The following THAP3 variants were observed in gnomAD, a reference collection of about 807,000 sequenced individuals.
THAP3 encodes THAP domain containing 3.
A neutral mutation model predicts 17.7 loss-of-function variants in THAP3; 12 were observed. That is an observed-to-expected ratio of 0.68 (90% CI 0.43 to 1.10). The LOEUF (loss-of-function observed/expected upper bound fraction) is 1.10. Ranked by LOEUF, THAP3 falls within the 50% of genes least tolerant of loss-of-function variation. THAP3 has a pLI of 0.00. For synonymous variants in THAP3, 133 were observed against 126.9 expected (o/e 1.05, Z -0.32); for missense variants, 289 against 318.0 (o/e 0.91, Z 0.69).
intron 5 of THAP3, 36 bp downstream of exon 5, chr1:6,632,531 A>G (rs1174220876): frequency 1.9e-5 from 31 of 1,612,856 alleles, no homozygotes; most frequent in Non-Finnish European, 2.4e-5. Flanking sequence ...GTGGTTGGAC[A>G]CAAGATGACT....
At chr1:6,626,409 C>T (rs1003641621) in intron 2 of THAP3, among the ~76,000 whole-genome samples, 1 of 152,110 alleles carries the variant, frequency 6.6e-6, no homozygotes, top group Non-Finnish European at 1.5e-5. Context: ...CCTATCCTGC[C>T]CGCTATCAGA....
chr1:6,634,967 T>C, downstream of THAP3: 1 of 933,308 alleles, frequency 1.1e-6, no homozygotes, highest in Non-Finnish European at 1.4e-6. Context: ...CAGGGCGTTT[T>C]CCCACCGGGA....
At position 6,628,484 on chromosome 1, in the gene THAP3, T is replaced by A. The variant is rs543746315; in HGVS notation, c.75-15T>A. 5 of 1,600,100 alleles carry A rather than the reference T, an allele frequency of 3.1e-6. No homozygotes were observed. The East Asian group carries it at 8.9e-5, about 29-fold the overall frequency. On this transcript the variant is annotated splice_polypyrimidine_tract_variant and intron_variant, in intron 2 of 5. Coordinates refer to ENST00000054650, the MANE Select transcript of THAP3 (RefSeq NM_001195753.2). Reference sequence around the variant, plus strand: ...CAGCCTTGCTGGGCCTCACACCCCGTGCCTCTGCCCTTAGGTTTCCGTTCA... The same window carrying A: ...CAGCCTTGCTGGGCCTCACACCCCGAGCCTCTGCCCTTAGGTTTCCGTTCA...
At chr1:6,625,607 C>T (rs1334580969) in intron 2 of THAP3, among the ~76,000 whole-genome samples, 1 of 69,342 alleles carries the variant, frequency 1.4e-5, no homozygotes, top group Admixed American at 1.2e-4. Flanking sequence ...CAGCCCCCGC[C>T]GCGCGCGGTC....
intron 3 of THAP3, among the ~76,000 whole-genome samples, chr1:6,629,956 G>A (rs1281173702): frequency 6.6e-6 from 1 of 152,222 alleles, no homozygotes; most frequent in Non-Finnish European, 1.5e-5. Flanking sequence ...GTGGCACCTC[G>A]AGTGGTGAGC....
Position 6,627,970 on chromosome 1 carries a change from G to T in THAP3, c.75-529G>T, listed in dbSNP as rs41278026. On this transcript the variant is annotated intron_variant, in intron 2 of 5. Transcript: ENST00000054650. ...CTGTCTCAGCTGGACCTGCGTGAGT[G>T]GCCGTTCCTGCTGTCCCTTCTGAAG... 470 of 155,904 alleles carry T rather than the reference G, an allele frequency of 3.0e-3. 3 individuals are homozygous for T. The highest frequency in any genetic ancestry group is 4.9e-3 in the Non-Finnish European group (342 of 70,208). 9.7% of individuals were successfully genotyped at this position (155,904 alleles called of 1,614,324 possible). A position where few individuals can be genotyped will look rare whatever the true frequency, so the allele number is the denominator to read the frequency against.
chr1:6,632,046 C>CAAA (rs35349874), intron 4 of THAP3, among the ~76,000 whole-genome samples: 8 of 111,358 alleles, frequency 7.2e-5, no homozygotes, highest in Admixed American at 9.8e-5. Context: ...GATTCCGTCT[C>CAAA]AAAAAAAAAA....
At chr1:6,634,814 T>G (rs1307535166), downstream of THAP3, 2 of 1,270,548 alleles carry the variant, frequency 1.6e-6, no homozygotes, top group Admixed American at 4.8e-5. Flanking sequence ...GGGCCTGGGG[T>G]CCACGCCTTT....
intron 2 of THAP3, among the ~76,000 whole-genome samples, chr1:6,626,709 G>C (rs2148715048): frequency 6.6e-6 from 1 of 152,322 alleles, no homozygotes; most frequent in South Asian, 2.1e-4. Context: ...ACCCGGGCGT[G>C]GTAGCGCGCA....
At position 6,632,737 on chromosome 1, in the gene THAP3, A is replaced by C. The variant is rs767875479; in HGVS notation, c.439-59A>C. 5.0e-6 allele frequency: 8 copies of C among 1,600,500 alleles called. No individual in the cohort carries two copies. The African/African-American group carries it at 1.1e-4, about 21-fold the overall frequency. ...TGTGTGCGTGTCTGGTGGCCTGCTC[A>C]CCATGGCCCGCCTTCCTGCTGGTGA... On this transcript the variant is annotated intron_variant, in intron 5 of 5. Transcript: ENST00000054650.
Position 6,633,183 on chromosome 1 carries a change from G to A in THAP3, c.*106G>A. 6.8e-7 allele frequency: 1 copy of A among 1,472,690 alleles called. No homozygotes were observed. Among genetic ancestry groups the A allele is most frequent in the Non-Finnish European group, 9.0e-7 (1 of 1,115,390 alleles). 91.2% of individuals were successfully genotyped at this position (1,472,690 alleles called of 1,614,324 possible). ...TCTGCTGTGGACACTGAGAAAGTTGGCCATGAGGCCTGCTTGGCCGGGGAT... is the reference window on the plus strand; with the variant it reads ...TCTGCTGTGGACACTGAGAAAGTTGACCATGAGGCCTGCTTGGCCGGGGAT... On this transcript the variant is annotated 3_prime_UTR_variant, in exon 6 of 6. Coordinates refer to ENST00000054650, the MANE Select transcript of THAP3 (RefSeq NM_001195753.2).
chr1:6,634,061 T>A (rs764050965), downstream of THAP3: 4 of 1,613,794 alleles, frequency 2.5e-6, no homozygotes, highest in Non-Finnish European at 3.4e-6. Context: ...CAGCTTCACG[T>A]GAAGCCTTGT....
downstream of THAP3, chr1:6,634,045 G>A (rs1454747659): frequency 1.2e-6 from 2 of 1,613,792 alleles, no homozygotes; most frequent in Non-Finnish European, 1.7e-6. Flanking sequence ...GTAGAAAATG[G>A]AACCCCAGCT....
chr1:6,633,402 TG>T lies in THAP3; in HGVS notation c.*328del. The T allele has an allele frequency of 8.3e-7, 1 of 1,211,520 alleles. No individual in the cohort carries two copies. The highest frequency in any genetic ancestry group is 1.0e-6 in the Non-Finnish European group (1 of 963,562). The allele number at this position is 1,211,520 out of a possible 1,614,324, so 75.0% of individuals were successfully genotyped here. On this transcript the variant is annotated 3_prime_UTR_variant, in exon 6 of 6. Transcript: ENST00000054650. ...GCAAAGATCGTTGGAAGCCCCAGTG[TG>T]GGAGATGCTCCTCAGGGAGGAAGCC...
At position 6,632,991 on chromosome 1, in the gene THAP3, G is replaced by A. The variant is rs923136991; in HGVS notation, c.634G>A (p.Val212Met). 3.0e-5 allele frequency: 49 copies of A among 1,612,770 alleles called. No homozygotes were observed. The highest frequency in any genetic ancestry group is 5.0e-5 in the Admixed American group (3 of 59,988). Residue 212 changes from valine to methionine, a missense_variant, in exon 6 of 6, where the codon GTG becomes ATG. Physicochemically the swap from Val to Met is conservative, Grantham distance 21. Transcript: ENST00000054650. Reference protein sequence around the residue: ...LRKRLQAQRLVMRRMSSRLRA... With the variant: ...LRKRLQAQRLMMRRMSSRLRA... The stretch of plus-strand genomic sequence containing the variant: ...GAAGCGCTTGCAGGCCCAGAGGCTG[G>A]TGATGCGAAGGATGTCCAGCCGCCT...
intron 2 of THAP3, among the ~76,000 whole-genome samples, chr1:6,627,605 T>G (rs1641500073): frequency 6.6e-6 from 1 of 152,172 alleles, no homozygotes; most frequent in Non-Finnish European, 1.5e-5. Flanking sequence ...GTTGAGGCAG[T>G]CTGTCTGCCT....
chr1:6,634,023 ATG>A, downstream of THAP3: 8 of 1,613,364 alleles, frequency 5.0e-6, no homozygotes, highest in Middle Eastern at 1.3e-3. Context: ...TTCTCAGGCA[ATG>A]TTGTTTAATG....
At chr1:6,627,954 C>G (rs1481757300) in intron 2 of THAP3, 1 of 155,750 alleles carries the variant, frequency 6.4e-6, no homozygotes, top group East Asian at 1.9e-4. Context: ...GCTGTCTCAG[C>G]TGGACCTGCG....
Position 6,625,146 on chromosome 1 carries a change from G to T in THAP3, c.-69-4G>T, listed in dbSNP as rs1165361366. ...CCTCCCAGCGGCCCCGCCCCTCCCC[G>T]CAGGTCCCTCCCCTCTCCGCAGGCC... is the stretch of plus-strand genomic sequence containing the variant. On this transcript the variant is annotated splice_region_variant and splice_polypyrimidine_tract_variant and intron_variant, in intron 1 of 5. Coordinates refer to ENST00000054650, the MANE Select transcript of THAP3 (RefSeq NM_001195753.2). The T allele has an allele frequency of 2.7e-6, 2 of 740,484 alleles. No individual in the cohort carries two copies. Among genetic ancestry groups the T allele is most frequent in the Non-Finnish European group, 4.3e-6 (2 of 466,694 alleles). The allele number at this position is 740,484 out of a possible 1,614,324, so 45.9% of individuals were successfully genotyped here.
Sources: allele counts gnomAD v4.1 joint callset (sites outside exome capture counted in the v4.1 genomes callset), GRCh38; gene constraint gnomAD v4.1.1; transcripts MANE v1.5; gene names NCBI Gene and HGNC (gene_info 2026-07-23, HGNC 2026-07-21).